Variants in EBF2 observed in about 807,000 individuals in gnomAD.
EBF2 encodes EBF transcription factor 2, also known as transcription factor COE2.
EBF2 carries 21 observed loss-of-function variants against 72.8 expected under a neutral mutation model. The observed-to-expected ratio is 0.29, with a 90% CI of 0.20 to 0.42. EBF2 has a LOEUF of 0.42. Ranked by LOEUF, EBF2 falls within the 10% of genes least tolerant of loss-of-function variation. EBF2 has a pLI of 1.00. For missense variants in EBF2, 637 were observed against 731.2 expected, an observed-to-expected ratio of 0.87 and a Z score of 1.49; for synonymous variants, 299 against 274.2, an observed-to-expected ratio of 1.09 and a Z score of -0.89.
intron 6 of EBF2, among the ~76,000 whole-genome samples, chr8:26,008,119 C>T (rs1804912511): frequency 6.6e-6 from 1 of 151,776 alleles, no homozygotes; most frequent in African/African-American, 2.4e-5. Context: ...TAGTTTTCAC[C>T]AACTGCATAC....
At chr8:25,963,565 C>T (rs1804070415) in intron 6 of EBF2, among the ~76,000 whole-genome samples, 1 of 152,122 alleles carries the variant, frequency 6.6e-6, no homozygotes, top group Non-Finnish European at 1.5e-5. Flanking sequence ...AAAAATTAAA[C>T]AAAATGAGGG....
chr8:25,865,259 G>A (rs570348694), intron 10 of EBF2, among the ~76,000 whole-genome samples: 1 of 152,234 alleles, frequency 6.6e-6, no homozygotes, highest in South Asian at 2.1e-4. Flanking sequence ...AAACTGTGCT[G>A]CTCATCATAT....
At chr8:26,039,359 A>T (rs778855652) in intron 5 of EBF2, among the ~76,000 whole-genome samples, 2 of 152,178 alleles carry the variant, frequency 1.3e-5, no homozygotes, top group Non-Finnish European at 2.9e-5. Context: ...CGACGTGAAT[A>T]TCAGAATCCA....
chr8:25,967,843 A>C (rs1354871057), intron 6 of EBF2, among the ~76,000 whole-genome samples: 1 of 152,196 alleles, frequency 6.6e-6, no homozygotes, highest in African/African-American at 2.4e-5. Flanking sequence ...CAGGACACTC[A>C]CACGTAAAAC....
chr8:26,021,033 G>A (rs1805196395), intron 6 of EBF2, among the ~76,000 whole-genome samples: 1 of 152,136 alleles, frequency 6.6e-6, no homozygotes, highest in Non-Finnish European at 1.5e-5. Context: ...TTAAAGTGCT[G>A]GAGAAGGAGA....
chr8:25,888,625 A>G (rs1159549853), intron 8 of EBF2, among the ~76,000 whole-genome samples: 1 of 152,188 alleles, frequency 6.6e-6, no homozygotes, highest in Admixed American at 6.5e-5. Flanking sequence ...GGCTTTTTTC[A>G]GCTCTATCAA....
At chr8:25,870,420 C>T (rs1052226963) in intron 10 of EBF2, among the ~76,000 whole-genome samples, 1 of 151,816 alleles carries the variant, frequency 6.6e-6, no homozygotes, top group African/African-American at 2.4e-5. Flanking sequence ...TGCCTTTGTC[C>T]CTTTCCATCT....
intron 6 of EBF2, among the ~76,000 whole-genome samples, chr8:25,989,446 A>G (rs79241808): frequency 0.12 from 17,772 of 152,240 alleles, 1,391 homozygotes; most frequent in East Asian, 0.32. Context: ...TCCCCTCTAA[A>G]GATGAAAAAA....
At chr8:26,005,489 T>TA (rs1804853426) in intron 6 of EBF2, among the ~76,000 whole-genome samples, 1 of 94,358 alleles carries the variant, frequency 1.1e-5, no homozygotes, top group African/African-American at 4.3e-5. Context: ...TTATAAAATA[T>TA]ATATTATAAA....
At chr8:25,970,189 C>A (rs1009706567) in intron 6 of EBF2, among the ~76,000 whole-genome samples, 1 of 152,158 alleles carries the variant, frequency 6.6e-6, no homozygotes, top group South Asian at 2.1e-4. Context: ...GCAGGGCTGA[C>A]CACAGGCTCT....
intron 6 of EBF2, among the ~76,000 whole-genome samples, chr8:25,982,077 G>A (rs369457650): frequency 4.3e-4 from 66 of 152,224 alleles, no homozygotes; most frequent in Middle Eastern, 3.4e-3. Context: ...TCAGCCCCTC[G>A]TATTATATAT....
chr8:25,940,249 C>G (rs1366790252), intron 6 of EBF2, among the ~76,000 whole-genome samples: 3 of 152,178 alleles, frequency 2.0e-5, no homozygotes, highest in Admixed American at 1.3e-4. Flanking sequence ...GTATTTTACA[C>G]AACAGTTTTT....
At chr8:25,935,199 G>A (rs937351949) in intron 6 of EBF2, among the ~76,000 whole-genome samples, 1 of 152,122 alleles carries the variant, frequency 6.6e-6, no homozygotes, top group African/African-American at 2.4e-5. Flanking sequence ...GGAAGTGGGG[G>A]TGTTGCTGCA....
intron 6 of EBF2, among the ~76,000 whole-genome samples, chr8:25,997,587 A>T (rs1230954311): frequency 6.6e-6 from 1 of 151,832 alleles, no homozygotes; most frequent in Non-Finnish European, 1.5e-5. Context: ...AAAAAAAAAA[A>T]AGTAATCAAA....
At chr8:25,846,042 C>T (rs1801826013) in intron 15 of EBF2, among the ~76,000 whole-genome samples, 1 of 152,094 alleles carries the variant, frequency 6.6e-6, no homozygotes, top group African/African-American at 2.4e-5. Flanking sequence ...CCCATATAGC[C>T]TTTATTGAAT....
intron 6 of EBF2, among the ~76,000 whole-genome samples, chr8:25,996,020 AC>A (rs1419072363): frequency 1.3e-5 from 2 of 152,268 alleles, no homozygotes; most frequent in Admixed American, 1.3e-4. Flanking sequence ...AGGGCCAGGT[AC>A]AATGGATCAT....
At chr8:25,948,113 G>A (rs1000758198) in intron 6 of EBF2, among the ~76,000 whole-genome samples, 2 of 152,166 alleles carry the variant, frequency 1.3e-5, no homozygotes, top group Non-Finnish European at 2.9e-5. Context: ...TCATTCTATA[G>A]GCCTCCTGTA....
chr8:25,896,750 G>T (rs1430973681), intron 7 of EBF2, among the ~76,000 whole-genome samples: 2 of 152,086 alleles, frequency 1.3e-5, no homozygotes, highest in African/African-American at 4.8e-5. Flanking sequence ...AATACACGTC[G>T]GGTTTTTACA....
intron 15 of EBF2, among the ~76,000 whole-genome samples, chr8:25,849,478 G>A (rs1325901105): frequency 6.6e-6 from 1 of 152,196 alleles, no homozygotes; most frequent in Non-Finnish European, 1.5e-5. Flanking sequence ...AAGCACTGCT[G>A]ACCTTACAGC....
Sources: allele counts gnomAD v4.1 joint callset (sites outside exome capture counted in the v4.1 genomes callset), GRCh38; gene constraint gnomAD v4.1.1; transcripts MANE v1.5; gene names NCBI Gene and HGNC (gene_info 2026-07-23, HGNC 2026-07-21).